TCERG1L: variants seen among roughly 807,000 people sequenced by gnomAD.
TCERG1L encodes the protein transcription elongation regulator 1-like protein.
Under a neutral mutation model 56.3 loss-of-function variants are expected in TCERG1L, and 37 were observed. The ratio of observed to expected loss-of-function variants is 0.66; its 90% CI spans 0.51 to 0.87. TCERG1L has a LOEUF of 0.87. Among genes scored for constraint, TCERG1L ranks in the 40% least tolerant of loss-of-function variants. The pLI, the probability that TCERG1L is intolerant of heterozygous loss-of-function variation, is 0.00. For synonymous variants in TCERG1L, 324 were observed against 326.3 expected, an observed-to-expected ratio of 0.99 and a Z score of 0.08; for missense variants, 799 against 774.2, an observed-to-expected ratio of 1.03 and a Z score of -0.38.
At chr10:131,240,587 G>A (rs558162330) in intron 4 of TCERG1L, among the ~76,000 whole-genome samples, 42 of 152,164 alleles carry the variant, frequency 2.8e-4, no homozygotes, top group Non-Finnish European at 5.3e-4. Flanking sequence ...AGGCCTGCTC[G>A]AGGTGCTGGA....
chr10:131,292,131 A>T (rs576597415), intron 3 of TCERG1L, among the ~76,000 whole-genome samples: 1 of 152,342 alleles, frequency 6.6e-6, no homozygotes, highest in Admixed American at 6.5e-5. Flanking sequence ...GAACTTCCTG[A>T]AAACAGTTTC....
intron 4 of TCERG1L, among the ~76,000 whole-genome samples, chr10:131,212,620 A>C (rs1465784933): frequency 3.9e-5 from 6 of 152,176 alleles, no homozygotes; most frequent in Admixed American, 6.6e-5. Flanking sequence ...GGTCTTAGGT[A>C]CTCTCCTGAA....
chr10:131,164,256 A>AT (rs2133432852), intron 5 of TCERG1L: 1 of 152,258 alleles, frequency 6.6e-6, no homozygotes. Flanking sequence ...ATCAGTATTC[A>AT]TTAAGAATAA....
intron 8 of TCERG1L, among the ~76,000 whole-genome samples, 156 bp from the exon 9 acceptor site, chr10:131,117,090 G>A (rs1027338074): frequency 2.6e-5 from 4 of 152,170 alleles, no homozygotes; most frequent in African/African-American, 9.7e-5. Flanking sequence ...TCGCAAAGAT[G>A]GCACATTTGC....
chr10:131,243,564 T>C (rs143929613), intron 4 of TCERG1L, among the ~76,000 whole-genome samples: 41 of 152,250 alleles, frequency 2.7e-4, no homozygotes, highest in African/African-American at 9.6e-4. Flanking sequence ...AGAGTGAGAC[T>C]CTGTCTCAAA....
At chr10:131,098,565 A>T in intron 10 of TCERG1L, 141 bp from the exon 11 acceptor site, 1 of 1,096,438 alleles carries the variant, frequency 9.1e-7, no homozygotes, top group Non-Finnish European at 1.3e-6. Flanking sequence ...GTTATGAGCA[A>T]CAGCCTTTCA....
chr10:131,146,689 C>G, intron 6 of TCERG1L, 29 bp from the exon 7 acceptor site: 1 of 1,596,922 alleles, frequency 6.3e-7, no homozygotes. Context: ...TCATCTCAGT[C>G]GCTCTCGGAG....
rs541909833 is a variant in TCERG1L at position 131,147,427 on chromosome 10, GCACTCTGA to G, written c.1035-775_1035-768del. Among the ~76,000 whole-genome samples, 61 of 152,330 alleles carry G rather than the reference GCACTCTGA, an allele frequency of 4.0e-4. 1 individual carries two copies. The highest frequency in any genetic ancestry group is 7.2e-4 in the Non-Finnish European group (49 of 68,030). The stretch of plus-strand genomic sequence containing the variant: ...GGCATGGAGGTGCACGGGAGACTCT[GCACTCTGA>G]CACTCTGACCCCGCGCTGTCCCCAC... On this transcript the variant is annotated intron_variant, in intron 6 of 11. Coordinates refer to ENST00000368642, the MANE Select transcript of TCERG1L (RefSeq NM_174937.4).
intron 6 of TCERG1L, among the ~76,000 whole-genome samples, chr10:131,151,028 C>T (rs1222110347): frequency 2.6e-5 from 4 of 152,116 alleles, no homozygotes; most frequent in East Asian, 1.9e-4. Flanking sequence ...AAACCACTTC[C>T]GTGATTCAAT....
At chr10:131,204,017 A>T (rs1564814660) in intron 4 of TCERG1L, among the ~76,000 whole-genome samples, 1 of 152,224 alleles carries the variant, frequency 6.6e-6, no homozygotes, top group Non-Finnish European at 1.5e-5. Context: ...AGGAGATGTG[A>T]AGTGATGAGA....
At chr10:131,248,199 ACTCACACACAACTCT>A (rs1564825320) in intron 4 of TCERG1L, among the ~76,000 whole-genome samples, 3 of 143,412 alleles carry the variant, frequency 2.1e-5, no homozygotes, top group South Asian at 2.2e-4. Flanking sequence ...AACACACACT[ACTCACACACAACTCT>A]CTCACACACA....
chr10:131,138,840 T>A (rs560021941), intron 7 of TCERG1L, among the ~76,000 whole-genome samples: 1 of 152,162 alleles, frequency 6.6e-6, no homozygotes, highest in Admixed American at 6.5e-5. Flanking sequence ...CAGCTTCATG[T>A]TATATATATT....
chr10:131,277,070 C>A (rs773088684), intron 3 of TCERG1L, among the ~76,000 whole-genome samples: 1 of 152,104 alleles, frequency 6.6e-6, no homozygotes, highest in African/African-American at 2.4e-5. Flanking sequence ...CTAAGCGAGA[C>A]GAGAGTTTGA....
intron 4 of TCERG1L, among the ~76,000 whole-genome samples, chr10:131,202,746 T>C (rs1253447061): frequency 6.6e-6 from 1 of 152,232 alleles, no homozygotes; most frequent in Non-Finnish European, 1.5e-5. Flanking sequence ...GGAAATATTC[T>C]GATTATCTGA....
In TCERG1L at chr10:131,253,627, G is replaced by A. The variant is rs527664763; in HGVS notation, c.856+6632C>T. Among the ~76,000 whole-genome samples the A allele has an allele frequency of 4.2e-4, 64 of 152,264 alleles. 1 individual carries two copies. The highest frequency in any genetic ancestry group is 1.4e-3 in the African/African-American group (59 of 41,558). On this transcript the variant is annotated intron_variant, in intron 4 of 11. Transcript: ENST00000368642. ...CCTGACTGTGTTTGTCTGTTTGTTA[G>A]GATTGGGCTGGGTGGGTGTGCGATG...
intron 6 of TCERG1L, among the ~76,000 whole-genome samples, chr10:131,151,297 A>G (rs745330052): frequency 1.3e-5 from 2 of 152,210 alleles, no homozygotes; most frequent in African/African-American, 2.4e-5. Flanking sequence ...TAAAATCAAA[A>G]GCAAGTTAGT....
intron 4 of TCERG1L, among the ~76,000 whole-genome samples, chr10:131,196,315 G>A (rs7086763): frequency 0.37 from 55,977 of 151,914 alleles, 10,502 homozygotes; most frequent in Middle Eastern, 0.45. Flanking sequence ...TGCTTGAACC[G>A]GAGACACAGG....
intron 4 of TCERG1L, among the ~76,000 whole-genome samples, chr10:131,215,937 C>A (rs1845664753): frequency 6.6e-6 from 1 of 152,134 alleles, no homozygotes; most frequent in African/African-American, 2.4e-5. Context: ...GAGTCTGAAG[C>A]AGAACTCACC....
chr10:131,133,114 G>A (rs149011416), intron 8 of TCERG1L, among the ~76,000 whole-genome samples: 25 of 152,190 alleles, frequency 1.6e-4, no homozygotes, highest in African/African-American at 4.6e-4. Context: ...TGGCTCCATC[G>A]GCACCCAGCA....
Sources: gnomAD v4.1 joint callset for allele counts (sites outside exome capture counted in the v4.1 genomes callset) on GRCh38, gnomAD v4.1.1 for gene constraint, MANE v1.5 for transcripts, NCBI Gene and HGNC (gene_info 2026-07-23, HGNC 2026-07-21) for gene names.